LEO1: variants seen among roughly 807,000 people sequenced by gnomAD.
LEO1 encodes RNA polymerase-associated protein LEO1.
LEO1 carries 34 observed loss-of-function variants against 80.4 expected under a neutral mutation model. The ratio of observed to expected loss-of-function variants is 0.42; its 90% CI spans 0.32 to 0.56. The LOEUF (loss-of-function observed/expected upper bound fraction) is 0.56, where lower values mean the gene tolerates loss of function less well. Ranked by LOEUF, LEO1 falls within the 20% of genes least tolerant of loss-of-function variation. The probability of loss-of-function intolerance (pLI) is 0.10; values close to 1 mark genes in which losing one functional copy is unlikely to be tolerated. For missense variants in LEO1, 631 were observed against 814.2 expected (o/e 0.77, Z 2.74); for synonymous variants, 262 against 274.9 (o/e 0.95, Z 0.46).
chr15:51,971,548 C>T, intron 1 of LEO1, 140 bp downstream of exon 1: 3 of 801,842 alleles, frequency 3.7e-6, no homozygotes, highest in Admixed American at 4.0e-5. Context: ...AGGATGGCAC[C>T]TCCGGGAGTG....
At chr15:51,968,761 G>A (rs1332205054) in intron 1 of LEO1, among the ~76,000 whole-genome samples, 1 of 152,008 alleles carries the variant, frequency 6.6e-6, no homozygotes, top group East Asian at 1.9e-4. Flanking sequence ...CCCAGAAGGC[G>A]GAGGTTGCTG....
In LEO1 at chr15:51,971,741, G is replaced by A. The variant is rs896338366; in HGVS notation, c.5C>T (p.Ala2Val). 6.2e-7 allele frequency: 1 copy of A among 1,614,080 alleles called. No homozygotes were observed. Among genetic ancestry groups the A allele is most frequent in the Non-Finnish European group, 8.5e-7 (1 of 1,180,008 alleles). ...GCTCCCGAAGAGATCCTCCATATCC[G>A]CCATTATCGCTCACGTCCGCTGCTG... Reference protein sequence around the residue: MADMEDLFGSDA... With the variant: MVDMEDLFGSDA... The change falls in exon 1 of 12, where the codon GCG becomes GTG. Residue 2 changes from alanine to valine, a missense_variant. Transcript: ENST00000299601.
rs139024721 is a variant in LEO1 at position 51,949,962 on chromosome 15, A to C, written c.1644T>G (p.Arg548=). ...TCATTCGGCGCTGCTGAGATTCCCTACGTATGGAAGCCCTCAAACGTTCTT... is the reference window on the plus strand; with the variant it reads ...TCATTCGGCGCTGCTGAGATTCCCTCCGTATGGAAGCCCTCAAACGTTCTT... ...KEEERLRASI[R]RESQQRRMRE... The change falls in exon 10 of 12, where the codon CGT becomes CGG. Residue 548 remains arginine (R), a synonymous_variant. Coordinates refer to ENST00000299601, the MANE Select transcript of LEO1 (RefSeq NM_138792.4). The C allele has an allele frequency of 1.2e-6, 2 of 1,613,518 alleles. No homozygotes were observed. Among genetic ancestry groups the C allele is most frequent in the African/African-American group, 2.7e-5 (2 of 74,866 alleles).
intron 7 of LEO1, among the ~76,000 whole-genome samples, chr15:51,953,903 C>A (rs1430522181): frequency 6.6e-6 from 1 of 150,908 alleles, no homozygotes; most frequent in African/African-American, 2.4e-5. Flanking sequence ...CCAGCCTAAG[C>A]AACATATGGA....
intron 11 of LEO1, among the ~76,000 whole-genome samples, chr15:51,946,713 GTATTTTTTT>G (rs2056904711): frequency 6.6e-6 from 1 of 151,892 alleles, no homozygotes; most frequent in African/African-American, 2.4e-5. Context: ...GCTAATTTTT[GTATTTTTTT>G]GGAGAGATGG....
At chr15:51,942,989 A>G (rs1012438175) in intron 11 of LEO1, among the ~76,000 whole-genome samples, 3 of 151,786 alleles carry the variant, frequency 2.0e-5, no homozygotes, top group African/African-American at 7.3e-5. Flanking sequence ...ACAGTGGCTC[A>G]CGCCTGTAAT....
intron 9 of LEO1, among the ~76,000 whole-genome samples, chr15:51,950,374 T>C (rs1217571965): frequency 6.6e-6 from 1 of 152,216 alleles, no homozygotes; most frequent in African/African-American, 2.4e-5. Context: ...CTGTTCCTGT[T>C]CATCCCTGAA....
intron 6 of LEO1, among the ~76,000 whole-genome samples, chr15:51,957,879 G>C (rs1382831521): frequency 2.0e-5 from 3 of 151,984 alleles, no homozygotes; most frequent in Admixed American, 6.6e-5. Flanking sequence ...AAATTAGCTG[G>C]GCATGGTGGT....
chr15:51,968,068 C>T (rs764062235), intron 1 of LEO1, among the ~76,000 whole-genome samples: 2 of 151,740 alleles, frequency 1.3e-5, no homozygotes, highest in Non-Finnish European at 2.9e-5. Flanking sequence ...CCTGTGAGCC[C>T]ACTACTTGGG....
At chr15:51,960,263 T>G (rs2057019800) in intron 4 of LEO1, among the ~76,000 whole-genome samples, 1 of 152,222 alleles carries the variant, frequency 6.6e-6, no homozygotes, top group African/African-American at 2.4e-5. Flanking sequence ...ATGATAAATC[T>G]GTCTTCCAAA....
At chr15:51,969,227 G>C (rs778176208) in intron 1 of LEO1, among the ~76,000 whole-genome samples, 1 of 151,984 alleles carries the variant, frequency 6.6e-6, no homozygotes, top group Non-Finnish European at 1.5e-5. Flanking sequence ...CTAAAGTGCT[G>C]GGATTACAGG....
intron 8 of LEO1, among the ~76,000 whole-genome samples, chr15:51,952,895 G>A (rs537494407): frequency 7.2e-5 from 11 of 152,294 alleles, no homozygotes; most frequent in Admixed American, 5.2e-4. Context: ...TGACATTCTG[G>A]TTTACCTAAC....
chr15:51,951,068 C>G (rs2056944882), intron 9 of LEO1, among the ~76,000 whole-genome samples: 1 of 152,224 alleles, frequency 6.6e-6, no homozygotes, highest in East Asian at 1.9e-4. Flanking sequence ...GGGCTCAGAG[C>G]CAAACCTTCA....
At chr15:51,965,526 C>T (rs140411912) in intron 2 of LEO1, among the ~76,000 whole-genome samples, 1 of 152,078 alleles carries the variant, frequency 6.6e-6, no homozygotes, top group Non-Finnish European at 1.5e-5. Flanking sequence ...TTGTTTTCCC[C>T]CAGACCTATC....
At chr15:51,949,755 G>C in intron 10 of LEO1, 53 bp downstream of exon 10, 1 of 1,406,992 alleles carries the variant, frequency 7.1e-7, no homozygotes, top group Non-Finnish European at 9.9e-7. Flanking sequence ...CTAATGCCAA[G>C]ATGAAGTCCA....
chr15:51,971,682 A>C lies in LEO1; in HGVS notation c.58+6T>G. 6 of 1,614,058 alleles carry C rather than the reference A, an allele frequency of 3.7e-6. No individual in the cohort carries two copies. Among genetic ancestry groups the C allele is most frequent in the Non-Finnish European group, 5.1e-6 (6 of 1,179,982 alleles). On this transcript the variant is annotated splice_donor_region_variant and intron_variant, in intron 1 of 11. Coordinates refer to ENST00000299601, the MANE Select transcript of LEO1 (RefSeq NM_138792.4). ...GCACCCATCCTCCGAAGACCAGCGA[A>C]CCCACCTTTACGCTCAGCTTCGCTG...
intron 11 of LEO1, among the ~76,000 whole-genome samples, chr15:51,939,451 A>G (rs971320488): frequency 2.0e-5 from 3 of 152,174 alleles, no homozygotes; most frequent in African/African-American, 4.8e-5. Context: ...AAAGGGGGGA[A>G]GTTATGAATC....
intron 9 of LEO1, among the ~76,000 whole-genome samples, chr15:51,951,487 C>T (rs904029135): frequency 5.3e-5 from 8 of 152,228 alleles, no homozygotes; most frequent in African/African-American, 1.9e-4. Context: ...GGTCTATTCT[C>T]TATTTTACAC....
chr15:51,939,827 T>TG (rs2056832988), intron 11 of LEO1, among the ~76,000 whole-genome samples: 1 of 152,184 alleles, frequency 6.6e-6, no homozygotes. Context: ...TTCTAAAAGA[T>TG]GGTACAGCCT....
Sources: gnomAD v4.1 joint callset for allele counts (sites outside exome capture counted in the v4.1 genomes callset) on GRCh38, gnomAD v4.1.1 for gene constraint, MANE v1.5 for transcripts, NCBI Gene and HGNC (gene_info 2026-07-23, HGNC 2026-07-21) for gene names.